The following RAB2A variants were observed in gnomAD, a reference collection of about 807,000 sequenced individuals.
RAB2A encodes ras-related protein Rab-2A.
In RAB2A, 7 loss-of-function variants were observed where a neutral mutation model predicts 32.5. That is an observed-to-expected ratio of 0.22 (90% confidence interval 0.12 to 0.40). The LOEUF is 0.40. Ranked by LOEUF, RAB2A falls within the 10% of genes least tolerant of loss-of-function variation. RAB2A has a pLI of 1.00. For synonymous variants in RAB2A, 79 were observed against 85.2 expected (o/e 0.93, Z 0.40); for missense variants, 108 against 260.7 (o/e 0.41, Z 4.03).
chr8:60,529,842 C>T lies in RAB2A; in HGVS notation c.46+12589C>T, dbSNP rs1277011950. Among the ~76,000 whole-genome samples, 3 of 152,172 alleles carry T rather than the reference C, an allele frequency of 2.0e-5. No individual in the cohort carries two copies. The East Asian group carries it at 5.8e-4, about 29-fold the overall frequency. ...CATAGATTATTCTTGTGCCTGCCTCCTTGAGCTGGGTGCTAGAGTTTTAGA... is the reference window on the plus strand; with the variant it reads ...CATAGATTATTCTTGTGCCTGCCTCTTTGAGCTGGGTGCTAGAGTTTTAGA... On this transcript the variant is annotated intron_variant, in intron 1 of 7. Coordinates refer to ENST00000262646, the MANE Select transcript of RAB2A (RefSeq NM_002865.3).
chr8:60,572,447 T>TCC (rs1808210710), intron 3 of RAB2A, among the ~76,000 whole-genome samples: 1 of 152,232 alleles, frequency 6.6e-6, no homozygotes, highest in Non-Finnish European at 1.5e-5. Context: ...ATCAATATTA[T>TCC]ACAATAACTT....
At chr8:60,607,526 C>G (rs1157105266) in intron 6 of RAB2A, among the ~76,000 whole-genome samples, 2 of 152,060 alleles carry the variant, frequency 1.3e-5, no homozygotes, top group Non-Finnish European at 2.9e-5. Context: ...GTTCTCCCAC[C>G]TCGGCCTCCC....
chr8:60,587,015 T>G (rs1226756239), intron 5 of RAB2A, among the ~76,000 whole-genome samples: 1 of 152,024 alleles, frequency 6.6e-6, no homozygotes, highest in Non-Finnish European at 1.5e-5. Flanking sequence ...GGGTAGATAT[T>G]GACAAGCTGA....
Position 60,604,704 on chromosome 8 carries a change from T to C in RAB2A, c.474+12735T>C, listed in dbSNP as rs558129087. On this transcript the variant is annotated intron_variant, in intron 6 of 7. Transcript: ENST00000262646. Reference sequence around the variant, plus strand: ...ACTTGAATGGTGATGATTTAAGATATCTGGCGGAAAAATTATCTAAGCGAC... The same window carrying C: ...ACTTGAATGGTGATGATTTAAGATACCTGGCGGAAAAATTATCTAAGCGAC... Among the ~76,000 whole-genome samples the C allele has an allele frequency of 5.3e-5, 8 of 152,310 alleles. No homozygotes were observed. The East Asian group carries it at 7.7e-4, about 15-fold the overall frequency.
At chr8:60,530,144 CTTTTTTTTTTTT>C (rs1270851648) in intron 1 of RAB2A, among the ~76,000 whole-genome samples, 1 of 104,152 alleles carries the variant, frequency 9.6e-6, no homozygotes, top group Admixed American at 1.0e-4. Context: ...ATTTTTTTTT[CTTTTTTTTTTTT>C]TTTTTTGAGA....
intron 6 of RAB2A, among the ~76,000 whole-genome samples, chr8:60,605,578 C>G (rs991308959): frequency 1.3e-5 from 2 of 152,156 alleles, no homozygotes; most frequent in African/African-American, 4.8e-5. Flanking sequence ...TGGAGCTGCC[C>G]AAGGCCTTGG....
At chr8:60,557,332 A>T (rs543334621) in intron 1 of RAB2A, among the ~76,000 whole-genome samples, 1 of 152,114 alleles carries the variant, frequency 6.6e-6, no homozygotes, top group Non-Finnish European at 1.5e-5. Context: ...CCTGGCCAAC[A>T]TAGCAACACC....
At chr8:60,568,588 G>A (rs1323948287) in intron 2 of RAB2A, among the ~76,000 whole-genome samples, 1 of 152,144 alleles carries the variant, frequency 6.6e-6, no homozygotes, top group Non-Finnish European at 1.5e-5. Flanking sequence ...TTAATAACTT[G>A]CACAGGGTCA....
At chr8:60,557,802 G>T (rs1219850425) in intron 1 of RAB2A, among the ~76,000 whole-genome samples, 2 of 151,878 alleles carry the variant, frequency 1.3e-5, no homozygotes, top group Non-Finnish European at 2.9e-5. Context: ...GAACTCCTGG[G>T]CTCAAGGCCT....
intron 1 of RAB2A, among the ~76,000 whole-genome samples, chr8:60,541,384 A>G (rs1414988224): frequency 2.0e-5 from 3 of 152,316 alleles, no homozygotes; most frequent in African/African-American, 2.4e-5. Context: ...AAAAAATTAG[A>G]ACTTTAAGGG....
rs145556771 is a variant in RAB2A, at chr8:60,584,049, C to T, written c.187-159C>T. ...TGACTTGAGCAATCTTGAGCAATAG[C>T]GGTGTTTTGTAACTTTTTCCTAAGA... On this transcript the variant is annotated intron_variant, in intron 3 of 7. Transcript: ENST00000262646. The T allele has an allele frequency of 1.3e-4, 77 of 592,046 alleles. No homozygotes were observed. In the Middle Eastern group the frequency reaches 1.7e-3, roughly 13 times the overall value. 36.7% of individuals were successfully genotyped at this position (592,046 alleles called of 1,614,324 possible).
At chr8:60,594,725 A>G (rs1803996345) in intron 6 of RAB2A, among the ~76,000 whole-genome samples, 1 of 152,184 alleles carries the variant, frequency 6.6e-6, no homozygotes, top group Non-Finnish European at 1.5e-5. Flanking sequence ...GAGTGAGAAC[A>G]TGCGGTGTTT....
rs1404822028 is a variant in RAB2A at position 60,623,639 on chromosome 8, A to G, written c.*2870A>G. The G allele has an allele frequency of 6.6e-6, 1 of 152,174 alleles. No homozygotes were observed. Among genetic ancestry groups the G allele is most frequent in the Non-Finnish European group, 1.5e-5 (1 of 68,036 alleles). The allele number at this position is 152,174 out of a possible 1,614,324, so 9.4% of individuals were successfully genotyped here. A position where few individuals can be genotyped will look rare whatever the true frequency, so the allele number is the denominator to read the frequency against. On this transcript the variant is annotated 3_prime_UTR_variant, in exon 8 of 8. Coordinates refer to ENST00000262646, the MANE Select transcript of RAB2A (RefSeq NM_002865.3). The stretch of plus-strand genomic sequence containing the variant: ...CTAACGCCACAGTAGATCATCTCAT[A>G]CTGCATTCGGATGTACTAGGTATTA...
chr8:60,526,020 C>CATATAT (rs146162692), intron 1 of RAB2A, among the ~76,000 whole-genome samples: 2,049 of 92,046 alleles, frequency 0.022, 60 homozygotes, highest in African/African-American at 0.03. Flanking sequence ...TGTGTGTGTA[C>CATATAT]ATATATATAT....
chr8:60,581,382 G>C (rs1803747421), intron 3 of RAB2A, among the ~76,000 whole-genome samples: 1 of 152,222 alleles, frequency 6.6e-6, no homozygotes, highest in Non-Finnish European at 1.5e-5. Context: ...AGTGAAGATA[G>C]GCTGGACAAA....
In RAB2A at chr8:60,517,426, GC is replaced by G. The variant is rs375580905; in HGVS notation, c.46+174del. 5.8e-4 allele frequency among the ~76,000 whole-genome samples: 88 copies of G among 152,234 alleles called. 2 individuals carry two copies. In the South Asian group the frequency reaches 0.017, roughly 30 times the overall value. Reference sequence around the variant, plus strand: ...GGTGACGTGGGCACTGCGAGCGGCCGCGGCCTGGCCAGGCCCGGTCTGCGGC... The same window carrying G: ...GGTGACGTGGGCACTGCGAGCGGCCGGGCCTGGCCAGGCCCGGTCTGCGGC... On this transcript the variant is annotated intron_variant, in intron 1 of 7. Transcript: ENST00000262646.
At chr8:60,582,979 C>G (rs924572055) in intron 3 of RAB2A, among the ~76,000 whole-genome samples, 1 of 151,580 alleles carries the variant, frequency 6.6e-6, no homozygotes, top group African/African-American at 2.4e-5. Context: ...AACAGGCTTT[C>G]TCTGAATGCC....
chr8:60,612,968 A>C (rs563637448), intron 6 of RAB2A, among the ~76,000 whole-genome samples: 244 of 152,176 alleles, frequency 1.6e-3, no homozygotes, highest in Non-Finnish European at 3.0e-3. Flanking sequence ...GTTTTTCTTC[A>C]CTGACCCGAA....
chr8:60,556,775 A>G (rs1807946180), intron 1 of RAB2A, among the ~76,000 whole-genome samples: 1 of 152,126 alleles, frequency 6.6e-6, no homozygotes, highest in Non-Finnish European at 1.5e-5. Context: ...AGTGATATAT[A>G]TTCTCTCTTG....
Sources: gnomAD v4.1 joint callset for allele counts (sites outside exome capture counted in the v4.1 genomes callset) on GRCh38, gnomAD v4.1.1 for gene constraint, MANE v1.5 for transcripts, NCBI Gene and HGNC (gene_info 2026-07-23, HGNC 2026-07-21) for gene names.